Variants in TPST1 observed in about 807,000 individuals in gnomAD.
The protein encoded by TPST1 is protein-tyrosine sulfotransferase 1.
TPST1 carries 20 observed loss-of-function variants against 34.8 expected under a neutral mutation model. The observed-to-expected ratio is 0.57, with a 90% CI of 0.40 to 0.84. The LOEUF (loss-of-function observed/expected upper bound fraction) is 0.84. TPST1 is among the 40% of genes least tolerant of loss of function. The pLI, the probability that TPST1 is intolerant of heterozygous loss-of-function variation, is 0.00. For synonymous variants in TPST1, 152 were observed against 159.4 expected, an observed-to-expected ratio of 0.95 and a Z score of 0.35; for missense variants, 353 against 455.5, an observed-to-expected ratio of 0.78 and a Z score of 2.05.
intron 2 of TPST1, among the ~76,000 whole-genome samples, chr7:66,262,973 G>T (rs1342740991): frequency 6.6e-6 from 1 of 151,976 alleles, no homozygotes; most frequent in East Asian, 1.9e-4. Context: ...GGTGGCATGT[G>T]CCTGTAGTCC....
intron 4 of TPST1, among the ~76,000 whole-genome samples, chr7:66,356,147 A>G (rs1315452010): frequency 6.6e-6 from 1 of 152,214 alleles, no homozygotes; most frequent in Admixed American, 6.5e-5. Flanking sequence ...GCAGAAACTC[A>G]TAGAACCTTC....
At chr7:66,282,232 G>T (rs1790946421) in intron 2 of TPST1, among the ~76,000 whole-genome samples, 1 of 152,128 alleles carries the variant, frequency 6.6e-6, no homozygotes, top group South Asian at 2.1e-4. Flanking sequence ...AGAAAATTAG[G>T]CTCTCAGTTC....
chr7:66,318,469 G>A (rs1350266645), intron 3 of TPST1, among the ~76,000 whole-genome samples: 1 of 150,990 alleles, frequency 6.6e-6, no homozygotes, highest in African/African-American at 2.4e-5. Context: ...ACATTCTTCA[G>A]AATTTTTTTT....
chr7:66,233,491 T>C (rs1021709955), intron 1 of TPST1, among the ~76,000 whole-genome samples: 1 of 152,238 alleles, frequency 6.6e-6, no homozygotes, highest in Admixed American at 6.5e-5. Flanking sequence ...TTGGCACCCT[T>C]GTCAAAAATC....
At chr7:66,265,477 G>A (rs2099725494) in intron 2 of TPST1, among the ~76,000 whole-genome samples, 1 of 151,942 alleles carries the variant, frequency 6.6e-6, no homozygotes, top group African/African-American at 2.4e-5. Flanking sequence ...TTAAGCCCAG[G>A]AGGCCATGGC....
chr7:66,240,215 T>A (rs1789999643), intron 1 of TPST1, 110 bp from the exon 2 acceptor site: 7 of 636,444 alleles, frequency 1.1e-5, no homozygotes, highest in Non-Finnish European at 1.8e-5. Flanking sequence ...TATCAAAGAA[T>A]CCAAGACTGT....
At chr7:66,212,095 T>C (rs139041332) in intron 1 of TPST1, among the ~76,000 whole-genome samples, 23 of 152,354 alleles carry the variant, frequency 1.5e-4, no homozygotes, top group African/African-American at 5.5e-4. Flanking sequence ...AGAGGTTTAT[T>C]CAGGCTTTGT....
At position 66,286,623 on chromosome 7, in the gene TPST1, A is replaced by G; in HGVS notation, c.958A>G (p.Met320Val). 2 of 1,609,852 alleles carry G rather than the reference A, an allele frequency of 1.2e-6. No homozygotes were observed. The highest frequency in any genetic ancestry group is 8.5e-7 in the Non-Finnish European group (1 of 1,177,492). Residue 320 changes from methionine (M) to valine (V), a missense_variant, in exon 3 of 6, where the codon ATG becomes GTG. Transcript: ENST00000304842. ...VLQDMAVIAP[M>V]LAKLGYDPYA... ...ACAAGACATGGCAGTGATTGCTCCT[A>G]TGCTTGCCAAGCTTGGATATGACCC...
At chr7:66,236,182 G>C (rs1427460495) in intron 1 of TPST1, among the ~76,000 whole-genome samples, 1 of 152,066 alleles carries the variant, frequency 6.6e-6, no homozygotes, top group South Asian at 2.1e-4. Flanking sequence ...TGATTTGGGG[G>C]CCCCAAGATT....
At chr7:66,309,872 A>T (rs955752141) in intron 3 of TPST1, among the ~76,000 whole-genome samples, 1 of 152,040 alleles carries the variant, frequency 6.6e-6, no homozygotes, top group East Asian at 1.9e-4. Flanking sequence ...TACAAATTTT[A>T]TGTGCACATG....
chr7:66,233,986 G>A (rs763185976), intron 1 of TPST1, among the ~76,000 whole-genome samples: 2 of 152,024 alleles, frequency 1.3e-5, no homozygotes, highest in Admixed American at 6.5e-5. Flanking sequence ...CTCAGCCTCC[G>A]GAGTAGCTGG....
intron 3 of TPST1, among the ~76,000 whole-genome samples, chr7:66,303,416 T>TG (rs1554350570): frequency 1.3e-5 from 2 of 152,122 alleles, no homozygotes; most frequent in Admixed American, 6.5e-5. Flanking sequence ...TATGTATGTA[T>TG]TAATTTATTT....
chr7:66,309,674 C>T (rs914530866), intron 3 of TPST1, among the ~76,000 whole-genome samples: 20 of 152,326 alleles, frequency 1.3e-4, no homozygotes, highest in Admixed American at 6.5e-5. Flanking sequence ...AAGCGTTAGA[C>T]ACTGCTGACT....
chr7:66,296,105 G>A (rs1223219459), intron 3 of TPST1, among the ~76,000 whole-genome samples: 1 of 152,162 alleles, frequency 6.6e-6, no homozygotes, highest in Non-Finnish European at 1.5e-5. Flanking sequence ...GGCTTGGCTA[G>A]ATTATCCTTT....
intron 2 of TPST1, among the ~76,000 whole-genome samples, chr7:66,280,564 A>C (rs1790912648): frequency 1.3e-5 from 2 of 152,202 alleles, no homozygotes; most frequent in Admixed American, 6.5e-5. Context: ...TCGTCTGCAA[A>C]TATGGAAGAT....
At chr7:66,298,752 A>G (rs1791252021) in intron 3 of TPST1, among the ~76,000 whole-genome samples, 1 of 151,890 alleles carries the variant, frequency 6.6e-6, no homozygotes, top group South Asian at 2.1e-4. Flanking sequence ...CTTTTTAGCT[A>G]TACCTCTTCT....
At chr7:66,294,001 A>G (rs1199788021) in intron 3 of TPST1, among the ~76,000 whole-genome samples, 1 of 152,192 alleles carries the variant, frequency 6.6e-6, no homozygotes. Flanking sequence ...GATCTTATAC[A>G]TTCTTTTCTT....
chr7:66,316,277 ATATAGT>A (rs1156557865), intron 3 of TPST1, among the ~76,000 whole-genome samples: 1 of 152,170 alleles, frequency 6.6e-6, no homozygotes, highest in African/African-American at 2.4e-5. Flanking sequence ...CTTAAATATA[ATATAGT>A]TAAAGAATAT....
At chr7:66,338,572 A>G (rs1218851368) in intron 3 of TPST1, among the ~76,000 whole-genome samples, 2 of 152,212 alleles carry the variant, frequency 1.3e-5, no homozygotes, top group Admixed American at 1.3e-4. Flanking sequence ...TTGATCATAC[A>G]TTAGGTCACA....
Sources: allele counts gnomAD v4.1 joint callset (sites outside exome capture counted in the v4.1 genomes callset), GRCh38; gene constraint gnomAD v4.1.1; transcripts MANE v1.5; gene names NCBI Gene and HGNC (gene_info 2026-07-23, HGNC 2026-07-21).